TMX4: variants seen among roughly 807,000 people sequenced by gnomAD.
TMX4 encodes thioredoxin related transmembrane protein 4.
In TMX4, 23 loss-of-function variants were observed where a neutral mutation model predicts 33.3. The observed-to-expected ratio is 0.69, with a 90% CI of 0.50 to 0.98. The LOEUF is 0.98. TMX4 is among the 50% of genes least tolerant of loss of function. The pLI is 0.00. For missense variants in TMX4, 399 were observed against 448.9 expected (o/e 0.89, Z 1.01); for synonymous variants, 164 against 161.5 (o/e 1.02, Z -0.12).
chr20:8,003,275 T>C (rs4816039), intron 2 of TMX4, among the ~76,000 whole-genome samples: 3,719 of 152,290 alleles, frequency 0.024, 95 homozygotes, highest in East Asian at 0.065. Flanking sequence ...ATTAAGAATG[T>C]ATATTTCATT....
At chr20:7,997,873 G>A (rs2050683465) in intron 4 of TMX4, among the ~76,000 whole-genome samples, 1 of 152,172 alleles carries the variant, frequency 6.6e-6, no homozygotes, top group Non-Finnish European at 1.5e-5. Flanking sequence ...GAAAGAGAGT[G>A]GATCATGGGG....
intron 1 of TMX4, among the ~76,000 whole-genome samples, chr20:8,017,169 A>G (rs2050779237): frequency 6.6e-6 from 1 of 152,206 alleles, no homozygotes; most frequent in Non-Finnish European, 1.5e-5. Flanking sequence ...ACAAATAGAT[A>G]AGAACCAAAA....
chr20:7,998,528 C>T (rs67377141), intron 4 of TMX4, among the ~76,000 whole-genome samples: 44,826 of 151,988 alleles, frequency 0.29, 6,803 homozygotes, highest in South Asian at 0.53. Flanking sequence ...TAAGGGTCAC[C>T]TTCTCCTTGT....
chr20:7,998,008 T>C (rs780875727), intron 4 of TMX4, among the ~76,000 whole-genome samples: 9 of 152,116 alleles, frequency 5.9e-5, no homozygotes, highest in Non-Finnish European at 1.0e-4. Context: ...TTGCTCCTAC[T>C]CTGGCCATGT....
intron 1 of TMX4, among the ~76,000 whole-genome samples, chr20:8,012,335 T>C (rs1216502565): frequency 6.6e-6 from 1 of 152,092 alleles, no homozygotes; most frequent in African/African-American, 2.4e-5. Context: ...CACATATTTA[T>C]TTAATAGGAG....
intron 2 of TMX4, among the ~76,000 whole-genome samples, chr20:8,003,844 G>T (rs2050716824): frequency 2.6e-5 from 4 of 151,976 alleles, no homozygotes; most frequent in Non-Finnish European, 4.4e-5. Context: ...ATCAATTAAG[G>T]TTTATTAAAA....
At chr20:7,992,531 A>G (rs775237748) in intron 5 of TMX4, among the ~76,000 whole-genome samples, 1 of 152,230 alleles carries the variant, frequency 6.6e-6, no homozygotes, top group Non-Finnish European at 1.5e-5. Flanking sequence ...GAACTGCCTC[A>G]TAAGACTATT....
chr20:8,011,455 A>C (rs556762198), intron 1 of TMX4, among the ~76,000 whole-genome samples: 1 of 152,116 alleles, frequency 6.6e-6, no homozygotes, highest in East Asian at 1.9e-4. Context: ...ACTGTGCAAA[A>C]GCATGCTGGT....
At chr20:7,994,226 T>C (rs1413396981) in intron 5 of TMX4, among the ~76,000 whole-genome samples, 1 of 152,130 alleles carries the variant, frequency 6.6e-6, no homozygotes, top group African/African-American at 2.4e-5. Context: ...AATATACATT[T>C]ATATAACATA....
chr20:8,009,861 T>TAAAAAAAAAAAAAAAA (rs11289988), intron 2 of TMX4, among the ~76,000 whole-genome samples: 1 of 84,604 alleles, frequency 1.2e-5, no homozygotes, highest in African/African-American at 3.4e-5. Context: ...CAAAAAACTG[T>TAAAAAAAAAAAAAAAA]AAAAAAAAAA....
intron 7 of TMX4, 118 bp downstream of exon 7, chr20:7,983,676 T>C: frequency 1.6e-6 from 1 of 618,044 alleles, no homozygotes; most frequent in Non-Finnish European, 2.7e-6. Context: ...AGAAATTTGG[T>C]AGTGATTATT....
At chr20:7,992,639 A>T (rs2050659968) in intron 5 of TMX4, among the ~76,000 whole-genome samples, 1 of 152,130 alleles carries the variant, frequency 6.6e-6, no homozygotes, top group South Asian at 2.1e-4. Flanking sequence ...CCAACTCCTG[A>T]GTTGATAGGA....
chr20:7,980,736 A>G lies in TMX4; in HGVS notation c.*1515T>C, dbSNP rs924014462. ...TAAAAGTTGATGCTGTCAGAAGAAT[A>G]ACCTCCTTTGTGCAAGTCTTGCAAC... On this transcript the variant is annotated 3_prime_UTR_variant, in exon 8 of 8. Coordinates refer to ENST00000246024, the MANE Select transcript of TMX4 (RefSeq NM_021156.4). The G allele has an allele frequency of 6.6e-6, 1 of 152,240 alleles. No homozygotes were observed. The highest frequency in any genetic ancestry group is 2.4e-5 in the African/African-American group (1 of 41,454). The allele number at this position is 152,240 out of a possible 1,614,324, so 9.4% of individuals were successfully genotyped here.
chr20:8,005,285 T>C (rs1332823519), intron 2 of TMX4, among the ~76,000 whole-genome samples: 1 of 152,154 alleles, frequency 6.6e-6, no homozygotes, highest in Admixed American at 6.5e-5. Context: ...ATATACTCAT[T>C]AAATTTAATT....
intron 1 of TMX4, among the ~76,000 whole-genome samples, chr20:8,018,323 CAGAGAGAG>C (rs72313818): frequency 1.8e-5 from 1 of 54,738 alleles, no homozygotes; most frequent in African/African-American, 1.1e-4. Context: ...GAGAGAGAGA[CAGAGAGAG>C]AGAGAGAGAG....
At chr20:8,008,018 C>T (rs1402818701) in intron 2 of TMX4, among the ~76,000 whole-genome samples, 1 of 152,182 alleles carries the variant, frequency 6.6e-6, no homozygotes, top group Non-Finnish European at 1.5e-5. Flanking sequence ...TAGAACAGGG[C>T]CTGTTTATGG....
intron 6 of TMX4, among the ~76,000 whole-genome samples, chr20:7,986,045 A>G (rs780759180): frequency 9.9e-5 from 15 of 152,190 alleles, no homozygotes; most frequent in Non-Finnish European, 1.8e-4. Context: ...ACCTCACACT[A>G]TGGTAGCCCC....
intron 5 of TMX4, among the ~76,000 whole-genome samples, chr20:7,989,743 T>C (rs1245948185): frequency 6.6e-6 from 1 of 152,236 alleles, no homozygotes; most frequent in Non-Finnish European, 1.5e-5. Flanking sequence ...AGTGGTACCA[T>C]GTCCTTGAAG....
At chr20:7,991,317 T>C (rs1474104386) in intron 5 of TMX4, among the ~76,000 whole-genome samples, 1 of 152,172 alleles carries the variant, frequency 6.6e-6, no homozygotes, top group Non-Finnish European at 1.5e-5. Context: ...ACAAATCCAA[T>C]AAAAAATGCT....
Sources: allele counts gnomAD v4.1 joint callset (sites outside exome capture counted in the v4.1 genomes callset), GRCh38; gene constraint gnomAD v4.1.1; transcripts MANE v1.5; gene names NCBI Gene and HGNC (gene_info 2026-07-23, HGNC 2026-07-21).